Variants in RIMS1 observed in about 807,000 individuals in gnomAD.
RIMS1 encodes regulating synaptic membrane exocytosis 1.
A neutral mutation model predicts 214.1 loss-of-function variants in RIMS1; 83 were observed. The observed-to-expected ratio is 0.39, with a 90% CI of 0.32 to 0.47. The LOEUF (loss-of-function observed/expected upper bound fraction) is 0.47. RIMS1 is among the 20% of genes least tolerant of loss of function. The pLI, the probability that RIMS1 is intolerant of heterozygous loss-of-function variation, is 0.99. For synonymous variants in RIMS1, 793 were observed against 786.8 expected, an observed-to-expected ratio of 1.01 and a Z score of -0.13; for missense variants, 2,050 against 2,161.8, an observed-to-expected ratio of 0.95 and a Z score of 1.03.
At chr6:71,892,987 G>A (rs1305132229) in intron 1 of RIMS1, among the ~76,000 whole-genome samples, 2 of 152,260 alleles carry the variant, frequency 1.3e-5, no homozygotes, top group Non-Finnish European at 2.9e-5. Flanking sequence ...TATGTAAAGT[G>A]GAATTTATAA....
rs895184023 is a variant in RIMS1, at chr6:72,182,488, G to C, written c.1017G>C (p.Ala339=). The change falls in exon 6 of 34, where the codon GCG becomes GCC. Residue 339 remains alanine, a synonymous_variant. Transcript: ENST00000521978. ...DTPEKRDEGK[A]ADEEKQRKEE... ...CGGAAAAACGGGATGAGGGCAAAGC[G>C]GCGGATGAGGAAAAGCAAAGAAAAG... 16 of 1,609,996 alleles carry C rather than the reference G, an allele frequency of 9.9e-6. No individual in the cohort carries two copies. Among genetic ancestry groups the C allele is most frequent in the Admixed American group, 3.4e-5 (2 of 59,240 alleles).
chr6:72,275,595 C>T (rs115588216), intron 23 of RIMS1, among the ~76,000 whole-genome samples: 95 of 152,066 alleles, frequency 6.2e-4, no homozygotes, highest in African/African-American at 2.2e-3. Context: ...AGATACTTGC[C>T]TCAATATGGT....
chr6:71,893,415 C>A (rs1770596871), intron 1 of RIMS1, among the ~76,000 whole-genome samples: 1 of 151,782 alleles, frequency 6.6e-6, no homozygotes, highest in South Asian at 2.1e-4. Context: ...AAAAGGCAAT[C>A]CTAATTCAAA....
chr6:72,246,385 G>A (rs528560791), intron 11 of RIMS1, among the ~76,000 whole-genome samples: 1 of 152,226 alleles, frequency 6.6e-6, no homozygotes, highest in South Asian at 2.1e-4. Flanking sequence ...TTATCTATAT[G>A]GGAATTTAAG....
At position 72,096,966 on chromosome 6, in the gene RIMS1, T is replaced by C; in HGVS notation, c.263T>C (p.Phe88Ser). Residue 88 changes from phenylalanine to serine, a missense_variant, in exon 3 of 34, where the codon TTT becomes TCT. Physicochemically the swap from Phe to Ser is radical, Grantham distance 155. Transcript: ENST00000521978. Reference protein sequence around the residue: ...HQPSPRLHQQFESYKEQVRKI... With the variant: ...HQPSPRLHQQSESYKEQVRKI... Reference sequence around the variant, plus strand: ...TTGCCTAGGAGATTGCATCAACAGTTTGAAAGCTATAAGGAACAAGTGAGA... The same window carrying C: ...TTGCCTAGGAGATTGCATCAACAGTCTGAAAGCTATAAGGAACAAGTGAGA... 1 of 1,613,514 alleles carries C rather than the reference T, an allele frequency of 6.2e-7. No homozygotes were observed. Among genetic ancestry groups the C allele is most frequent in the Non-Finnish European group, 8.5e-7 (1 of 1,179,670 alleles).
chr6:72,243,061 T>C (rs72939686), intron 10 of RIMS1, among the ~76,000 whole-genome samples: 30,824 of 151,630 alleles, frequency 0.2, 3,965 homozygotes, highest in Non-Finnish European at 0.28. Flanking sequence ...TCGTTGCCTT[T>C]TTCTGGCAAA....
chr6:72,140,397 A>G (rs1293152783), intron 4 of RIMS1, among the ~76,000 whole-genome samples: 2 of 152,150 alleles, frequency 1.3e-5, no homozygotes, highest in African/African-American at 2.4e-5. Flanking sequence ...CTAGATATCA[A>G]ATAATTCCAA....
At chr6:72,212,834 C>A in intron 6 of RIMS1, 1 of 1,086,452 alleles carries the variant, frequency 9.2e-7, no homozygotes, top group Non-Finnish European at 1.1e-6. Flanking sequence ...AGTCCCCACA[C>A]CACCAGGCCC....
intron 1 of RIMS1, among the ~76,000 whole-genome samples, chr6:71,940,404 T>C (rs1446350783): frequency 6.6e-6 from 1 of 152,180 alleles, no homozygotes; most frequent in South Asian, 2.1e-4. Flanking sequence ...TATTACTATA[T>C]CAATATGGTT....
chr6:72,106,791 G>A (rs535289555), intron 4 of RIMS1, among the ~76,000 whole-genome samples: 2 of 152,200 alleles, frequency 1.3e-5, no homozygotes, highest in African/African-American at 4.8e-5. Flanking sequence ...ATGTATTTTA[G>A]TTCTCTTTAA....
intron 2 of RIMS1, among the ~76,000 whole-genome samples, chr6:72,006,201 T>C (rs574332315): frequency 6.6e-6 from 1 of 152,290 alleles, no homozygotes; most frequent in Admixed American, 6.5e-5. Context: ...TCCCAGGGGA[T>C]CCACCTCATA....
At chr6:72,110,768 CCT>C (rs2153819548) in intron 4 of RIMS1, among the ~76,000 whole-genome samples, 1 of 152,174 alleles carries the variant, frequency 6.6e-6, no homozygotes, top group East Asian at 1.9e-4. Context: ...AGAGGGCATC[CCT>C]GTCTTGTGCC....
intron 1 of RIMS1, among the ~76,000 whole-genome samples, chr6:71,957,764 A>G (rs1791717330): frequency 6.6e-6 from 1 of 150,624 alleles, no homozygotes; most frequent in Admixed American, 6.6e-5. Flanking sequence ...CTAAATTTTT[A>G]GCCGATAAAA....
chr6:72,236,821 A>T (rs2697445), intron 8 of RIMS1, among the ~76,000 whole-genome samples: 105,769 of 150,060 alleles, frequency 0.7, 38,170 homozygotes, highest in East Asian at 0.98. Context: ...TAAGGAAGTT[A>T]ACAAATTTCT....
At chr6:72,196,508 T>C (rs1293431687) in intron 6 of RIMS1, among the ~76,000 whole-genome samples, 1 of 149,750 alleles carries the variant, frequency 6.7e-6, no homozygotes, top group Non-Finnish European at 1.5e-5. Flanking sequence ...TTAAAAATTG[T>C]AACCTTAAAA....
chr6:72,398,809 T>A (rs1036812767), intron 32 of RIMS1, 146 bp from the exon 33 acceptor site: 1 of 553,084 alleles, frequency 1.8e-6, no homozygotes, highest in African/African-American at 1.9e-5. Context: ...ACAGAATTTA[T>A]GGAGCAATGG....
intron 4 of RIMS1, among the ~76,000 whole-genome samples, chr6:72,132,963 A>G (rs913502204): frequency 6.6e-6 from 1 of 151,420 alleles, no homozygotes; most frequent in Non-Finnish European, 1.5e-5. Context: ...TTTTTTATTA[A>G]TTGTCAAGAC....
intron 2 of RIMS1, among the ~76,000 whole-genome samples, chr6:72,025,800 AG>A (rs1562143878): frequency 1.3e-5 from 2 of 152,196 alleles, no homozygotes; most frequent in Admixed American, 6.5e-5. Flanking sequence ...TTCTTTCATG[AG>A]GTTACAGTCA....
At chr6:72,114,342 A>G (rs1273927447) in intron 4 of RIMS1, among the ~76,000 whole-genome samples, 2 of 152,060 alleles carry the variant, frequency 1.3e-5, no homozygotes, top group Admixed American at 6.6e-5. Flanking sequence ...CTTTATAGGT[A>G]TATAAGAAAA....
Sources: allele counts gnomAD v4.1 joint callset (sites outside exome capture counted in the v4.1 genomes callset), GRCh38; gene constraint gnomAD v4.1.1; transcripts MANE v1.5; gene names NCBI Gene and HGNC (gene_info 2026-07-23, HGNC 2026-07-21).